The following TRPC6 variants were observed in gnomAD, a reference collection of about 807,000 sequenced individuals.
The protein encoded by TRPC6 is transient receptor potential cation channel subfamily C member 6.
In TRPC6, 55 loss-of-function variants were observed where a neutral mutation model predicts 90.7. That is an observed-to-expected ratio of 0.61 (90% CI 0.49 to 0.76). The LOEUF is 0.76. Ranked by LOEUF, TRPC6 falls within the 30% of genes least tolerant of loss-of-function variation. The pLI is 0.00. For missense variants in TRPC6, 989 were observed against 1,122.7 expected (o/e 0.88, Z 1.70); for synonymous variants, 393 against 393.0 (o/e 1.00, Z 0.00).
chr11:101,514,148 C>T (rs750521575), intron 1 of TRPC6, among the ~76,000 whole-genome samples: 3 of 152,146 alleles, frequency 2.0e-5, no homozygotes, highest in East Asian at 1.9e-4. Flanking sequence ...CCACCACCAC[C>T]GGGATCGTAA....
chr11:101,561,948 G>A (rs1286260295), intron 1 of TRPC6, among the ~76,000 whole-genome samples: 2 of 151,838 alleles, frequency 1.3e-5, no homozygotes, highest in African/African-American at 2.4e-5. Flanking sequence ...ATCATTTTAA[G>A]AGTTTGGTTC....
intron 1 of TRPC6, 171 bp downstream of exon 1, chr11:101,583,163 C>T: frequency 1.0e-6 from 1 of 985,346 alleles, no homozygotes; most frequent in South Asian, 4.7e-5. Flanking sequence ...CCCCGCGCGC[C>T]CCTCCACTCA....
At chr11:101,551,079 T>C (rs1448703406) in intron 1 of TRPC6, among the ~76,000 whole-genome samples, 1 of 151,886 alleles carries the variant, frequency 6.6e-6, no homozygotes, top group African/African-American at 2.4e-5. Flanking sequence ...GTATCCATAG[T>C]CTAGTTTGCT....
At chr11:101,453,159 A>G in intron 12 of TRPC6, 53 bp from the exon 13 acceptor site, 1 of 1,551,238 alleles carries the variant, frequency 6.4e-7, no homozygotes, top group Non-Finnish European at 8.9e-7. Flanking sequence ...ATGCGGAAAA[A>G]CTAGTGACTG....
At chr11:101,542,632 TAA>T (rs1861201998) in intron 1 of TRPC6, among the ~76,000 whole-genome samples, 1 of 151,148 alleles carries the variant, frequency 6.6e-6, no homozygotes, top group South Asian at 2.1e-4. Context: ...ACAAGAAAAC[TAA>T]AGACAGAATA....
At position 101,472,156 on chromosome 11, in the gene TRPC6, CTGT is replaced by C; in HGVS notation, c.2183_2185del (p.Asn728del). On this transcript the variant is annotated inframe_deletion, in exon 8 of 13. Coordinates refer to ENST00000344327, the MANE Select transcript of TRPC6 (RefSeq NM_004621.6). ...TTATACCTCAATTTCCTGGAATGAA[CTGT>C]TGATCATGGCAATTAACATATTTAG... 4 of 1,611,456 alleles carry C rather than the reference CTGT, an allele frequency of 2.5e-6. No individual in the cohort carries two copies. Among genetic ancestry groups the C allele is most frequent in the Non-Finnish European group, 3.4e-6 (4 of 1,179,278 alleles).
At chr11:101,550,745 ATG>A (rs965100583) in intron 1 of TRPC6, among the ~76,000 whole-genome samples, 1 of 151,790 alleles carries the variant, frequency 6.6e-6, no homozygotes, top group Non-Finnish European at 1.5e-5. Flanking sequence ...CATGGAGAGT[ATG>A]TGGTATAACC....
rs568886004 is a variant in TRPC6 at position 101,552,068 on chromosome 11, A to G, written c.170+31266T>C. Among the ~76,000 whole-genome samples the G allele has an allele frequency of 2.3e-4, 35 of 152,192 alleles. No homozygotes were observed. In the South Asian group the frequency reaches 2.5e-3, roughly 11 times the overall value. On this transcript the variant is annotated intron_variant, in intron 1 of 12. Coordinates refer to ENST00000344327, the MANE Select transcript of TRPC6 (RefSeq NM_004621.6). Reference sequence around the variant, plus strand: ...TGTGTCTTTTATCGGCATCCATGAAACTATGGCGGGCCATCTTGTAAGTTT... The same window carrying G: ...TGTGTCTTTTATCGGCATCCATGAAGCTATGGCGGGCCATCTTGTAAGTTT...
Position 101,504,154 on chromosome 11 carries a change from G to C in TRPC6, c.815C>G (p.Ser272Cys). The change falls in exon 2 of 13, where the codon TCT (serine) becomes TGT (cysteine). Residue 272 changes from serine to cysteine, a missense_variant. By Grantham distance (112) the Ser-to-Cys change is moderately radical (BLOSUM62 -1). Coordinates refer to ENST00000344327, the MANE Select transcript of TRPC6 (RefSeq NM_004621.6). ...QKHDSFSHSR[S>C]RINAYKGLAS... ...CAGGCCTTTATAGGCATTAATCCTA[G>C]ATCTGGAGTGGCTAAACGAGTCATG... 1 of 1,614,120 alleles carries C rather than the reference G, an allele frequency of 6.2e-7. No individual in the cohort carries two copies. The highest frequency in any genetic ancestry group is 8.5e-7 in the Non-Finnish European group (1 of 1,179,994).
At chr11:101,554,492 T>C (rs1861519222) in intron 1 of TRPC6, among the ~76,000 whole-genome samples, 1 of 152,112 alleles carries the variant, frequency 6.6e-6, no homozygotes. Context: ...TTTGCATGAA[T>C]GTATGTATAA....
chr11:101,455,286 T>G (rs1858858058), intron 10 of TRPC6, 185 bp from the exon 11 acceptor site: 2 of 562,308 alleles, frequency 3.6e-6, no homozygotes, highest in African/African-American at 3.8e-5. Flanking sequence ...GTGTGTTCAG[T>G]TTGTTAATGG....
chr11:101,536,261 C>T (rs559190745), intron 1 of TRPC6, among the ~76,000 whole-genome samples: 6 of 152,136 alleles, frequency 3.9e-5, no homozygotes, highest in Non-Finnish European at 5.9e-5. Flanking sequence ...GTGGTTCATG[C>T]CTGTAATCCC....
chr11:101,469,847 C>T (rs1310958951), intron 9 of TRPC6, among the ~76,000 whole-genome samples: 2 of 152,168 alleles, frequency 1.3e-5, no homozygotes, highest in East Asian at 3.8e-4. Flanking sequence ...ATCATAATCA[C>T]ATTTAAAGAA....
chr11:101,541,705 G>A (rs1861177978), intron 1 of TRPC6, among the ~76,000 whole-genome samples: 3 of 152,162 alleles, frequency 2.0e-5, no homozygotes, highest in Non-Finnish European at 4.4e-5. Flanking sequence ...AGAACACCTT[G>A]GAGGATATCA....
At chr11:101,545,942 C>T (rs1032659817) in intron 1 of TRPC6, among the ~76,000 whole-genome samples, 7 of 149,698 alleles carry the variant, frequency 4.7e-5, no homozygotes, top group Non-Finnish European at 1.0e-4. Context: ...CTATGATGTT[C>T]AACTTGTTCC....
In TRPC6 at chr11:101,453,253, G is replaced by T. The variant is rs562116366; in HGVS notation, c.2645-147C>A. ...AGGAAATAACTTCCTAATTGAGCAGGTTTTTGTTTTCTTAGCTAAGTGTTT... is the reference window on the plus strand; with the variant it reads ...AGGAAATAACTTCCTAATTGAGCAGTTTTTTGTTTTCTTAGCTAAGTGTTT... On this transcript the variant is annotated intron_variant, in intron 12 of 12. Transcript: ENST00000344327. 64 of 822,704 alleles carry T rather than the reference G, an allele frequency of 7.8e-5. 1 individual carries two copies. The East Asian group carries it at 1.5e-3, about 19-fold the overall frequency. 51.0% of individuals were successfully genotyped at this position (822,704 alleles called of 1,614,324 possible).
intron 1 of TRPC6, among the ~76,000 whole-genome samples, chr11:101,581,193 G>C (rs866407797): frequency 1.2e-4 from 18 of 152,254 alleles, no homozygotes; most frequent in Middle Eastern, 3.4e-3. Context: ...TCATCACTCT[G>C]CTGCTCAGTT....
chr11:101,471,477 T>C (rs1859291209), intron 8 of TRPC6, 91 bp from the exon 9 acceptor site: 1 of 1,378,150 alleles, frequency 7.3e-7, no homozygotes, highest in African/African-American at 1.4e-5. Context: ...TGGAGGACAA[T>C]GCCTATAAAC....
In TRPC6 at chr11:101,583,452, C is replaced by T; in HGVS notation, c.52G>A (p.Ala18Thr). 1 of 1,536,102 alleles carries T rather than the reference C, an allele frequency of 6.5e-7. No individual in the cohort carries two copies. Among genetic ancestry groups the T allele is most frequent in the Non-Finnish European group, 8.8e-7 (1 of 1,140,032 alleles). ...GPRRGSSPRGAAGAAARRNES... is the reference protein window; with the variant it reads ...GPRRGSSPRGTAGAAARRNES... ...TTGCGCCGCGCAGCGGCTCCGGCAG[C>T]GCCCCGGGGAGAACTGCCCCTCCGG... The change falls in exon 1 of 13, where the codon GCT (alanine) becomes ACT (threonine). Residue 18 changes from alanine to threonine, a missense_variant. Around this residue, in one of 4 missense-constraint regions of TRPC6, gnomAD observed 194 missense variants for 136.5 expected, o/e 1.42. Transcript: ENST00000344327.
Sources: allele counts gnomAD v4.1 joint callset (sites outside exome capture counted in the v4.1 genomes callset), GRCh38; gene constraint gnomAD v4.1.1; regional missense constraint gnomAD v4.1.1; transcripts MANE v1.5; gene names NCBI Gene and HGNC (gene_info 2026-07-23, HGNC 2026-07-21).